Variants in SGMS2 observed in about 807,000 individuals in gnomAD.
The protein encoded by SGMS2 is phosphatidylcholine:ceramide cholinephosphotransferase 2.
A neutral mutation model predicts 43.8 loss-of-function variants in SGMS2; 21 were observed. That is an observed-to-expected ratio of 0.48 (90% CI 0.34 to 0.69). The LOEUF (loss-of-function observed/expected upper bound fraction) is 0.69. Ranked by LOEUF, SGMS2 falls within the 30% of genes least tolerant of loss-of-function variation. The pLI is 0.01. For synonymous variants in SGMS2, 167 were observed against 160.6 expected, an observed-to-expected ratio of 1.04 and a Z score of -0.30; for missense variants, 384 against 443.2, an observed-to-expected ratio of 0.87 and a Z score of 1.20.
chr4:107,828,852 G>A (rs969850527), intron 1 of SGMS2, among the ~76,000 whole-genome samples: 9 of 152,154 alleles, frequency 5.9e-5, no homozygotes, highest in Non-Finnish European at 7.3e-5. Flanking sequence ...CTATGGAGTC[G>A]CACAGTGGAG....
chr4:107,876,328 C>T (rs1158160712), intron 2 of SGMS2, among the ~76,000 whole-genome samples: 1 of 152,154 alleles, frequency 6.6e-6, no homozygotes, highest in African/African-American at 2.4e-5. Context: ...TCCGCTATAA[C>T]CACCAAATGT....
At chr4:107,845,252 G>A (rs537725802) in intron 1 of SGMS2, among the ~76,000 whole-genome samples, 1 of 152,294 alleles carries the variant, frequency 6.6e-6, no homozygotes, top group Non-Finnish European at 1.5e-5. Flanking sequence ...CCTTCTCCAA[G>A]GCTCTGAGAA....
chr4:107,837,781 G>A (rs1726276013), intron 1 of SGMS2, among the ~76,000 whole-genome samples: 1 of 152,126 alleles, frequency 6.6e-6, no homozygotes, highest in Admixed American at 6.6e-5. Flanking sequence ...GGGTGGTGGT[G>A]GTGGAGATCG....
chr4:107,884,494 A>C (rs890769587), intron 2 of SGMS2, among the ~76,000 whole-genome samples: 8 of 73,842 alleles, frequency 1.1e-4, no homozygotes, highest in Non-Finnish European at 2.0e-4. Context: ...CAAAAGATTT[A>C]AACAAAGGGG....
At chr4:107,866,943 A>C (rs1273923316) in intron 2 of SGMS2, 2 of 152,214 alleles carry the variant, frequency 1.3e-5, no homozygotes, top group Admixed American at 1.3e-4. Context: ...GGCCAAACTG[A>C]GAGAGAGATT....
intron 1 of SGMS2, among the ~76,000 whole-genome samples, chr4:107,836,370 T>C (rs1241103581): frequency 6.6e-6 from 1 of 152,250 alleles, no homozygotes; most frequent in Non-Finnish European, 1.5e-5. Context: ...TCAGTGAGTG[T>C]CACAGCACAC....
intron 4 of SGMS2, 72 bp downstream of exon 4, chr4:107,899,764 ATTC>A: frequency 1.0e-6 from 1 of 990,282 alleles, no homozygotes; most frequent in South Asian, 1.6e-5. Flanking sequence ...TGTATTATAC[ATTC>A]TTCTAGACAC....
intron 3 of SGMS2, among the ~76,000 whole-genome samples, chr4:107,897,852 C>T (rs1008872084): frequency 1.3e-5 from 2 of 152,162 alleles, no homozygotes; most frequent in Non-Finnish European, 2.9e-5. Flanking sequence ...GTTGCTTGCT[C>T]TCTCTTTTAA....
chr4:107,874,080 A>G (rs1728737439), intron 2 of SGMS2: 1 of 152,194 alleles, frequency 6.6e-6, no homozygotes, highest in African/African-American at 2.4e-5. Context: ...TTCTTGTTTT[A>G]TAATATATCT....
At chr4:107,891,404 T>G (rs949900778) in intron 2 of SGMS2, among the ~76,000 whole-genome samples, 2 of 152,144 alleles carry the variant, frequency 1.3e-5, no homozygotes, top group African/African-American at 4.8e-5. Context: ...TGGTTGTTGA[T>G]TTTAACTTTA....
intron 1 of SGMS2, among the ~76,000 whole-genome samples, chr4:107,849,790 A>G (rs377162473): frequency 2.6e-5 from 4 of 152,286 alleles, no homozygotes; most frequent in South Asian, 2.1e-4. Context: ...TCTGCTCTCA[A>G]TTAGAGGGTA....
At chr4:107,868,651 G>C (rs1728317797) in intron 2 of SGMS2, among the ~76,000 whole-genome samples, 1 of 152,078 alleles carries the variant, frequency 6.6e-6, no homozygotes, top group Non-Finnish European at 1.5e-5. Flanking sequence ...CCAGGAGGAG[G>C]AGGTTGCAGT....
intron 1 of SGMS2, among the ~76,000 whole-genome samples, chr4:107,849,442 T>C (rs1051661407): frequency 2.6e-5 from 4 of 152,164 alleles, no homozygotes; most frequent in Admixed American, 6.6e-5. Context: ...CCATGTACCT[T>C]GTAGCTGTTG....
intron 1 of SGMS2, among the ~76,000 whole-genome samples, chr4:107,848,583 G>A (rs938668230): frequency 3.9e-5 from 6 of 152,132 alleles, no homozygotes; most frequent in Non-Finnish European, 8.8e-5. Flanking sequence ...AGCATTTGGT[G>A]GTGTTAGTAT....
intron 1 of SGMS2, among the ~76,000 whole-genome samples, chr4:107,833,149 C>T (rs1330228883): frequency 1.3e-5 from 2 of 152,196 alleles, no homozygotes; most frequent in Admixed American, 6.5e-5. Flanking sequence ...TGCATTCTCC[C>T]ATCCCCCACT....
At chr4:107,853,283 G>A (rs1001815566) in intron 1 of SGMS2, among the ~76,000 whole-genome samples, 1 of 152,124 alleles carries the variant, frequency 6.6e-6, no homozygotes, top group East Asian at 1.9e-4. Flanking sequence ...CTGTTTCTTG[G>A]ATATTTTAAT....
chr4:107,854,291 T>C (rs1029731940), intron 1 of SGMS2, among the ~76,000 whole-genome samples: 2 of 152,244 alleles, frequency 1.3e-5, no homozygotes, highest in African/African-American at 4.8e-5. Flanking sequence ...GTTTGCACCG[T>C]ATAACTAGTC....
chr4:107,868,769 T>C (rs894607055), intron 2 of SGMS2, among the ~76,000 whole-genome samples: 25 of 152,120 alleles, frequency 1.6e-4, no homozygotes, highest in African/African-American at 5.1e-4. Flanking sequence ...CTTTTTCTGC[T>C]CCTGTAATCA....
intron 1 of SGMS2, among the ~76,000 whole-genome samples, chr4:107,839,087 T>C (rs1726356743): frequency 1.3e-5 from 2 of 152,214 alleles, no homozygotes; most frequent in African/African-American, 2.4e-5. Flanking sequence ...TTGGGAGTCA[T>C]ATATGAAAAC....
Sources: allele counts gnomAD v4.1 joint callset (sites outside exome capture counted in the v4.1 genomes callset), GRCh38; gene constraint gnomAD v4.1.1; transcripts MANE v1.5; gene names NCBI Gene and HGNC (gene_info 2026-07-23, HGNC 2026-07-21).